GDAP2: variants seen among roughly 807,000 people sequenced by gnomAD.
The protein encoded by GDAP2 is ganglioside-induced differentiation-associated protein 2.
Under a neutral mutation model 67.0 loss-of-function variants are expected in GDAP2, and 51 were observed. The observed-to-expected ratio is 0.76, with a 90% CI of 0.61 to 0.96. The LOEUF (loss-of-function observed/expected upper bound fraction) is 0.96, where lower values mean the gene tolerates loss of function less well. GDAP2 is among the 40% of genes least tolerant of loss of function. GDAP2 has a pLI of 0.00. For missense variants in GDAP2, 547 were observed against 588.3 expected (o/e 0.93, Z 0.73); for synonymous variants, 203 against 207.3 (o/e 0.98, Z 0.18).
chr1:117,877,115 A>G (rs1266116653), intron 13 of GDAP2: 1 of 172,782 alleles, frequency 5.8e-6, no homozygotes, highest in African/African-American at 2.4e-5. Flanking sequence ...TCTCTGTATA[A>G]CAGCCAAATA....
intron 11 of GDAP2, 129 bp downstream of exon 11, chr1:117,883,359 A>T: frequency 1.5e-6 from 1 of 662,218 alleles, no homozygotes; most frequent in Non-Finnish European, 2.6e-6. Flanking sequence ...GAAGTATCTA[A>T]TCTAGGTATG....
chr1:117,911,271 T>A (rs934440747), intron 5 of GDAP2, among the ~76,000 whole-genome samples: 1 of 152,198 alleles, frequency 6.6e-6, no homozygotes, highest in Non-Finnish European at 1.5e-5. Flanking sequence ...TTATGTGACA[T>A]ACAGGCATTT....
intron 6 of GDAP2, among the ~76,000 whole-genome samples, chr1:117,904,974 T>G (rs1468071925): frequency 6.6e-6 from 1 of 152,212 alleles, no homozygotes; most frequent in Non-Finnish European, 1.5e-5. Flanking sequence ...GCATCATTAT[T>G]TAGTCACTCA....
intron 13 of GDAP2, among the ~76,000 whole-genome samples, chr1:117,876,061 C>A (rs1166525210): frequency 6.6e-6 from 1 of 152,020 alleles, no homozygotes; most frequent in African/African-American, 2.4e-5. Flanking sequence ...TGGCTAGGGG[C>A]AAAATGCTAC....
At position 117,890,876 on chromosome 1, in the gene GDAP2, G is replaced by A. The variant is rs527745514; in HGVS notation, c.954-3102C>T. Among the ~76,000 whole-genome samples, 113 of 151,784 alleles carry A rather than the reference G, an allele frequency of 7.4e-4. 1 individual carries two copies. Among genetic ancestry groups the A allele is most frequent in the Admixed American group, 1.9e-3 (29 of 15,214 alleles). ...ATCCGTATCACTGGATTTCAATGTCGTTGATTGATTTGGACAATCACAGGT... is the reference window on the plus strand; with the variant it reads ...ATCCGTATCACTGGATTTCAATGTCATTGATTGATTTGGACAATCACAGGT... On this transcript the variant is annotated intron_variant, in intron 8 of 13. Transcript: ENST00000369443.
At chr1:117,928,745 G>A (rs1650559968) in intron 1 of GDAP2, among the ~76,000 whole-genome samples, 1 of 152,208 alleles carries the variant, frequency 6.6e-6, no homozygotes, top group Admixed American at 6.5e-5. Context: ...CCTTGTTCAA[G>A]AAGCGCCGGC....
At chr1:117,914,964 TA>T (rs957720155) in intron 3 of GDAP2, among the ~76,000 whole-genome samples, 10 of 148,686 alleles carry the variant, frequency 6.7e-5, no homozygotes, top group East Asian at 2.0e-4. Context: ...AGGATGATGT[TA>T]AAAAAAAAAG....
intron 1 of GDAP2, among the ~76,000 whole-genome samples, chr1:117,924,998 G>A (rs887476733): frequency 1.3e-5 from 2 of 152,090 alleles, no homozygotes; most frequent in African/African-American, 4.8e-5. Context: ...ATGAGTCATT[G>A]TCATAAAAAA....
At chr1:117,897,768 G>C (rs751458066) in intron 7 of GDAP2, among the ~76,000 whole-genome samples, 7 of 152,080 alleles carry the variant, frequency 4.6e-5, no homozygotes, top group Non-Finnish European at 7.4e-5. Flanking sequence ...ATTCCAACCT[G>C]GTGGACAATC....
At chr1:117,897,955 A>G (rs1293111736) in intron 7 of GDAP2, among the ~76,000 whole-genome samples, 1 of 152,210 alleles carries the variant, frequency 6.6e-6, no homozygotes, top group Non-Finnish European at 1.5e-5. Context: ...CTATAACATA[A>G]AAGTATTTTC....
chr1:117,902,331 T>G (rs1456434648), intron 6 of GDAP2, among the ~76,000 whole-genome samples: 1 of 152,208 alleles, frequency 6.6e-6, no homozygotes, highest in Non-Finnish European at 1.5e-5. Flanking sequence ...TCCACTTTCA[T>G]TTTGGCTTTT....
chr1:117,887,082 C>T (rs1024714518), intron 9 of GDAP2, among the ~76,000 whole-genome samples: 2 of 152,030 alleles, frequency 1.3e-5, no homozygotes, highest in Non-Finnish European at 2.9e-5. Context: ...GCATGCACCA[C>T]CACACCTGGC....
intron 5 of GDAP2, among the ~76,000 whole-genome samples, chr1:117,907,091 C>T (rs557012915): frequency 3.9e-5 from 6 of 152,204 alleles, no homozygotes; most frequent in Admixed American, 3.9e-4. Flanking sequence ...TCCACAAAAC[C>T]AAAGCTCAAT....
intron 1 of GDAP2, among the ~76,000 whole-genome samples, chr1:117,924,513 A>T (rs949872254): frequency 6.6e-6 from 1 of 152,228 alleles, no homozygotes; most frequent in African/African-American, 2.4e-5. Context: ...TTTGTTGTCA[A>T]ACAAAACAAG....
rs1300176641 is a variant in GDAP2, at chr1:117,918,692, G to A, written c.221C>T (p.Thr74Ile). 8.2e-6 allele frequency: 13 copies of A among 1,594,324 alleles called. No individual in the cohort carries two copies. Among genetic ancestry groups the A allele is most frequent in the Non-Finnish European group, 1.1e-5 (13 of 1,162,110 alleles). Reference protein sequence around the residue: ...ALLNCTAIVNTSNESLTDKNP... With the variant: ...ALLNCTAIVNISNESLTDKNP... ...CTTATCTGTGAGACTTTCATTGCTG[G>A]TATTCACAATGGCTGTACAGTTCAG... The change falls in exon 3 of 14, where the codon ACC becomes ATC. Residue 74 changes from threonine (T) to isoleucine (I), a missense_variant. By Grantham distance (89) the Thr-to-Ile change is moderately conservative (BLOSUM62 -1). Transcript: ENST00000369443.
intron 6 of GDAP2, among the ~76,000 whole-genome samples, chr1:117,901,764 T>A (rs1330645668): frequency 6.6e-6 from 1 of 152,338 alleles, no homozygotes; most frequent in South Asian, 2.1e-4. Flanking sequence ...CTGTAAGGGA[T>A]AACTAATTCC....
intron 1 of GDAP2, among the ~76,000 whole-genome samples, chr1:117,926,611 C>T (rs937512925): frequency 3.3e-5 from 5 of 152,174 alleles, no homozygotes; most frequent in Admixed American, 6.5e-5. Flanking sequence ...AACACATATA[C>T]ACCTTAGTAA....
intron 3 of GDAP2, among the ~76,000 whole-genome samples, chr1:117,916,182 T>TG (rs527283615): frequency 1.1e-3 from 172 of 152,258 alleles, no homozygotes; most frequent in Non-Finnish European, 2.0e-3. Flanking sequence ...GCACATACTA[T>TG]GGGTGGTCTG....
intron 6 of GDAP2, among the ~76,000 whole-genome samples, 178 bp from the exon 7 acceptor site, chr1:117,899,394 T>A (rs924605342): frequency 3.3e-5 from 5 of 152,190 alleles, no homozygotes; most frequent in Admixed American, 3.3e-4. Flanking sequence ...GTGTTAAAGA[T>A]AAGGATATTG....
Sources: gnomAD v4.1 joint callset for allele counts (sites outside exome capture counted in the v4.1 genomes callset) on GRCh38, gnomAD v4.1.1 for gene constraint, MANE v1.5 for transcripts, NCBI Gene and HGNC (gene_info 2026-07-23, HGNC 2026-07-21) for gene names.